The following CLIP2 variants were observed in gnomAD, a reference collection of about 807,000 sequenced individuals.
CLIP2 encodes the protein CAP-Gly domain containing linker protein 2.
CLIP2 carries 41 observed loss-of-function variants against 111.7 expected under a neutral mutation model. That is an observed-to-expected ratio of 0.37 (90% CI 0.29 to 0.48). CLIP2 has a LOEUF of 0.48. CLIP2 is among the 20% of genes least tolerant of loss of function. The pLI is 0.99. For synonymous variants in CLIP2, 660 were observed against 644.2 expected (o/e 1.02, Z -0.37); for missense variants, 1,160 against 1,422.1 (o/e 0.82, Z 2.96).
chr7:74,321,722 C>T (rs1286443947), intron 2 of CLIP2, among the ~76,000 whole-genome samples: 1 of 151,830 alleles, frequency 6.6e-6, no homozygotes. Flanking sequence ...CCCGCCTTGG[C>T]CCCCCAAAGT....
At chr7:74,391,227 T>A in intron 13 of CLIP2, among the ~76,000 whole-genome samples, 1 of 152,206 alleles carries the variant, frequency 6.6e-6, no homozygotes. Flanking sequence ...TCTAAAAATC[T>A]GATCTTACAT....
At chr7:74,298,115 C>G (rs1788225021) in intron 1 of CLIP2, among the ~76,000 whole-genome samples, 1 of 152,002 alleles carries the variant, frequency 6.6e-6, no homozygotes, top group Admixed American at 6.6e-5. Context: ...GAGGCCGAGG[C>G]AGGAGGATCA....
At position 74,400,335 on chromosome 7, in the gene CLIP2, A is replaced by C. The variant is rs781979635; in HGVS notation, c.2881-35A>C. 42 of 1,533,308 alleles carry C rather than the reference A, an allele frequency of 2.7e-5. No individual in the cohort carries two copies. The African/African-American group carries it at 5.5e-4, about 20-fold the overall frequency. 95.0% of individuals were successfully genotyped at this position (1,533,308 alleles called of 1,614,324 possible). ...GACGCCCACCAACACACACACGCAC[A>C]CTCATGTACTCTTCCACTCTCCTGC... On this transcript the variant is annotated intron_variant, in intron 14 of 16. Transcript: ENST00000223398.
At chr7:74,337,696 A>G (rs1338374078) in intron 2 of CLIP2, among the ~76,000 whole-genome samples, 2 of 151,854 alleles carry the variant, frequency 1.3e-5, no homozygotes, top group Non-Finnish European at 2.9e-5. Flanking sequence ...CTCGAGTTCA[A>G]GTGATCCTCC....
In CLIP2 at chr7:74,380,980, C is replaced by G. The variant is rs781872327; in HGVS notation, c.2479+117C>G. 9 of 988,588 alleles carry G rather than the reference C, an allele frequency of 9.1e-6. No individual in the cohort carries two copies. In the East Asian group the frequency reaches 2.1e-4, roughly 24 times the overall value. The allele number at this position is 988,588 out of a possible 1,614,324, so 61.2% of individuals were successfully genotyped here. Reference sequence around the variant, plus strand: ...ATCTGCCATTTGGTAAGAGTCACCTCCTGTGTGCTGTGAGCTATGTACTCC... The same window carrying G: ...ATCTGCCATTTGGTAAGAGTCACCTGCTGTGTGCTGTGAGCTATGTACTCC... On this transcript the variant is annotated intron_variant, in intron 11 of 16. Transcript: ENST00000223398.
At position 74,375,869 on chromosome 7, in the gene CLIP2, C is replaced by T; in HGVS notation, c.1486-18C>T. On this transcript the variant is annotated intron_variant, in intron 9 of 16. Transcript: ENST00000223398. ...AGCCAGCCAGCCCGCTGATCCCTGT[C>T]TCCCTCTCTCCCCACAGCTGACCAC... is the stretch of plus-strand genomic sequence containing the variant. 6 of 1,493,994 alleles carry T rather than the reference C, an allele frequency of 4.0e-6. No individual in the cohort carries two copies. The highest frequency in any genetic ancestry group is 5.4e-6 in the Non-Finnish European group (6 of 1,119,840). The allele number at this position is 1,493,994 out of a possible 1,614,324, so 92.5% of individuals were successfully genotyped here. A position where few individuals can be genotyped will look rare whatever the true frequency, so the allele number is the denominator to read the frequency against.
chr7:74,323,718 G>A (rs978025841), intron 2 of CLIP2, among the ~76,000 whole-genome samples: 16 of 152,036 alleles, frequency 1.1e-4, no homozygotes, highest in Admixed American at 7.2e-4. Context: ...GAGCCAGTGC[G>A]CCTGGCCCTG....
rs113077886 is a variant in CLIP2, at chr7:74,349,240, G to A, written c.679-4640G>A. On this transcript the variant is annotated intron_variant, in intron 3 of 16. Coordinates refer to ENST00000223398, the MANE Select transcript of CLIP2 (RefSeq NM_003388.5). ...AAGGTCAAGAGACCGAGACCATCTT[G>A]GCCAACATGGAAAAACCCCGTCTCT... Among the ~76,000 whole-genome samples the A allele has an allele frequency of 6.7e-4, 101 of 151,612 alleles. 1 individual carries two copies. Among genetic ancestry groups the A allele is most frequent in the African/African-American group, 2.2e-3 (93 of 41,432 alleles).
rs141114661 is a variant in CLIP2 at position 74,376,015 on chromosome 7, C to A, written c.1614C>A (p.Asp538Glu). Reference sequence around the variant, plus strand: ...GTCCCCCACCTCCGGACCACCCAGACGCCGCCGAGATCCTGCGGCTACGGG... The same window carrying A: ...GTCCCCCACCTCCGGACCACCCAGAAGCCGCCGAGATCCTGCGGCTACGGG... ...HSGPPPPDHP[D>E]AAEILRLRER... Residue 538 changes from aspartate to glutamate, a missense_variant, in exon 10 of 17, where the codon GAC becomes GAA. Physicochemically the swap from Asp to Glu is conservative, Grantham distance 45. Transcript: ENST00000223398. The surrounding 1 kb of genome is among the most constrained non-coding windows in gnomAD (Gnocchi z 7.1). The A allele has an allele frequency of 6.2e-7, 1 of 1,612,730 alleles. No individual in the cohort carries two copies. Among genetic ancestry groups the A allele is most frequent in the Non-Finnish European group, 8.5e-7 (1 of 1,179,858 alleles).
chr7:74,345,659 A>G (rs1184233591), intron 3 of CLIP2, among the ~76,000 whole-genome samples: 1 of 151,760 alleles, frequency 6.6e-6, no homozygotes, highest in East Asian at 2.0e-4. Flanking sequence ...CAACATGGGG[A>G]AACATGGGGA....
At chr7:74,307,649 C>T (rs1788532136) in intron 1 of CLIP2, among the ~76,000 whole-genome samples, 2 of 152,098 alleles carry the variant, frequency 1.3e-5, no homozygotes, top group Admixed American at 1.3e-4. Context: ...CACCACCATG[C>T]CTGGCTAATT....
Position 74,377,384 on chromosome 7 carries a change from A to G in CLIP2, c.2421+562A>G, listed in dbSNP as rs368218603. On this transcript the variant is annotated intron_variant, in intron 10 of 16. Transcript: ENST00000223398. ...CTGGAAGGCTAGAGGGGGTGGCCCT[A>G]AAGAGGTCGCTGTCACCAATGTCAA... Among the ~76,000 whole-genome samples, 38 of 152,322 alleles carry G rather than the reference A, an allele frequency of 2.5e-4. No homozygotes were observed. In the South Asian group the frequency reaches 5.2e-3, roughly 21 times the overall value.
At chr7:74,341,034 G>A (rs186357946) in intron 3 of CLIP2, among the ~76,000 whole-genome samples, 1 of 152,222 alleles carries the variant, frequency 6.6e-6, no homozygotes, top group Admixed American at 6.6e-5. Flanking sequence ...TTTCTGGGAG[G>A]AGCCTTTGGG....
chr7:74,293,615 T>C (rs935877873), intron 1 of CLIP2, among the ~76,000 whole-genome samples: 2 of 152,092 alleles, frequency 1.3e-5, no homozygotes, highest in South Asian at 2.1e-4. Context: ...GCATTGATGA[T>C]GAAGGTTGTG....
chr7:74,390,229 T>G (rs568895094), intron 13 of CLIP2, among the ~76,000 whole-genome samples: 2,586 of 105,338 alleles, frequency 0.025, 47 homozygotes, highest in Middle Eastern at 0.053. Context: ...AAGAAAGGAT[T>G]AATGCCTCCC....
chr7:74,315,263 G>A (rs1051983418), intron 1 of CLIP2, among the ~76,000 whole-genome samples: 14 of 152,174 alleles, frequency 9.2e-5, no homozygotes, highest in South Asian at 2.1e-4. Context: ...GCGAGAGAGC[G>A]AGAGTCCGTC....
At chr7:74,346,060 C>A (rs1474067658) in intron 3 of CLIP2, among the ~76,000 whole-genome samples, 1 of 151,784 alleles carries the variant, frequency 6.6e-6, no homozygotes, top group Non-Finnish European at 1.5e-5. Context: ...CTCACTGCAC[C>A]CTCAAACTCC....
At chr7:74,400,620 T>C in intron 15 of CLIP2, 65 bp downstream of exon 15, 2 of 1,422,186 alleles carry the variant, frequency 1.4e-6, no homozygotes, top group South Asian at 2.9e-5. Context: ...GGAGCCCCCG[T>C]CTGATGCGGG....
At chr7:74,315,287 T>TA (rs1364486665) in intron 1 of CLIP2, among the ~76,000 whole-genome samples, 8 of 151,168 alleles carry the variant, frequency 5.3e-5, no homozygotes, top group African/African-American at 1.9e-4. Context: ...AAAATACATT[T>TA]AAAAAAATAA....
Sources: allele counts gnomAD v4.1 joint callset (sites outside exome capture counted in the v4.1 genomes callset), GRCh38; gene constraint gnomAD v4.1.1; non-coding constraint Gnocchi (gnomAD v3.1); transcripts MANE v1.5; gene names NCBI Gene and HGNC (gene_info 2026-07-23, HGNC 2026-07-21).